PPP2R5C: variants seen among roughly 807,000 people sequenced by gnomAD.
PPP2R5C encodes the protein serine/threonine-protein phosphatase 2A 56 kDa regulatory subunit gamma isoform.
In PPP2R5C, 7 loss-of-function variants were observed where a neutral mutation model predicts 68.9. The observed-to-expected ratio is 0.10, with a 90% CI of 0.06 to 0.19. PPP2R5C has a LOEUF of 0.19. Ranked by LOEUF, PPP2R5C falls within the 10% of genes least tolerant of loss-of-function variation. The pLI, the probability that PPP2R5C is intolerant of heterozygous loss-of-function variation, is 1.00. For synonymous variants in PPP2R5C, 210 were observed against 222.2 expected (o/e 0.95, Z 0.49); for missense variants, 348 against 641.3 (o/e 0.54, Z 4.94).
intron 5 of PPP2R5C, among the ~76,000 whole-genome samples, chr14:101,886,693 T>C (rs2044543900): frequency 6.6e-6 from 1 of 152,176 alleles, no homozygotes; most frequent in African/African-American, 2.4e-5. Flanking sequence ...AGAGTTGCAT[T>C]CAGCTCATCT....
chr14:101,923,519 C>G (rs1300774090), intron 13 of PPP2R5C, among the ~76,000 whole-genome samples: 1 of 152,160 alleles, frequency 6.6e-6, no homozygotes, highest in African/African-American at 2.4e-5. Flanking sequence ...GCTTTACATC[C>G]TCACACGTTA....
At chr14:101,760,740 C>T, upstream of PPP2R5C, 2 of 433,392 alleles carry the variant, frequency 4.6e-6, no homozygotes, top group Non-Finnish European at 5.3e-6. Context: ...AGGGGAGGGG[C>T]TGGTCGAGGG....
chr14:101,824,485 G>T, intron 1 of PPP2R5C: 1 of 174,694 alleles, frequency 5.7e-6, no homozygotes. Flanking sequence ...CTCATTCTTT[G>T]CTTTTGATTC....
intron 1 of PPP2R5C, among the ~76,000 whole-genome samples, chr14:101,841,959 CT>C (rs1162338261): frequency 6.6e-6 from 1 of 152,144 alleles, no homozygotes; most frequent in Non-Finnish European, 1.5e-5. Context: ...CTAGTGCCAC[CT>C]TTTGCGGCTC....
chr14:101,874,061 G>A (rs551732265), intron 2 of PPP2R5C, among the ~76,000 whole-genome samples: 26 of 152,136 alleles, frequency 1.7e-4, no homozygotes, highest in Admixed American at 5.9e-4. Flanking sequence ...ACTTAACTCC[G>A]TCCACCCAGG....
At chr14:101,846,718 C>T (rs561650922) in intron 1 of PPP2R5C, among the ~76,000 whole-genome samples, 4 of 152,228 alleles carry the variant, frequency 2.6e-5, no homozygotes, top group South Asian at 2.1e-4. Flanking sequence ...GCTTGTGTGT[C>T]GGGTTTGCCT....
chr14:101,794,037 G>A (rs988375266), intron 3 of PPP2R5C, among the ~76,000 whole-genome samples: 57 of 152,148 alleles, frequency 3.7e-4, no homozygotes, highest in African/African-American at 1.4e-3. Flanking sequence ...GCACAGGATG[G>A]AGGCACGGGG....
At chr14:101,806,026 A>G (rs913802731), upstream of PPP2R5C, among the ~76,000 whole-genome samples, 1 of 152,234 alleles carries the variant, frequency 6.6e-6, no homozygotes. Flanking sequence ...ACAGAACTGT[A>G]TGCTGAAAAC....
exon 14 of PPP2R5C, chr14:101,927,152 T>C (rs2047317294): frequency 6.6e-6 from 1 of 152,182 alleles, no homozygotes; most frequent in African/African-American, 2.4e-5. Flanking sequence ...TTTTGGATGT[T>C]CAGTATGTTT....
chr14:101,865,937 T>A (rs1403865770), intron 2 of PPP2R5C, among the ~76,000 whole-genome samples: 1 of 152,230 alleles, frequency 6.6e-6, no homozygotes, highest in Non-Finnish European at 1.5e-5. Context: ...AGTCTTTCTC[T>A]GTCGCCAGGC....
At chr14:101,847,471 T>G (rs928943596) in intron 1 of PPP2R5C, among the ~76,000 whole-genome samples, 3 of 152,140 alleles carry the variant, frequency 2.0e-5, no homozygotes, top group Non-Finnish European at 4.4e-5. Context: ...CTGTTCTCCC[T>G]GAGCCTTCAT....
chr14:101,823,904 T>C (rs2040239052), intron 1 of PPP2R5C: 16 of 1,276,334 alleles, frequency 1.3e-5, no homozygotes, highest in Non-Finnish European at 1.3e-5. Context: ...TATGGTGTCA[T>C]CTAGAAAAAC....
At chr14:101,857,780 G>A (rs918322000) in intron 2 of PPP2R5C, among the ~76,000 whole-genome samples, 3 of 152,242 alleles carry the variant, frequency 2.0e-5, no homozygotes, top group Admixed American at 6.5e-5. Context: ...TTACTGGGGA[G>A]TCAGTGTGGC....
chr14:101,912,752 C>T, intron 12 of PPP2R5C: 1 of 354,738 alleles, frequency 2.8e-6, no homozygotes, highest in Non-Finnish European at 4.6e-6. Flanking sequence ...AACTTGAATA[C>T]AGCCTGAGAC....
At chr14:101,861,765 T>C (rs1455581656) in intron 2 of PPP2R5C, among the ~76,000 whole-genome samples, 1 of 152,180 alleles carries the variant, frequency 6.6e-6, no homozygotes, top group Non-Finnish European at 1.5e-5. Flanking sequence ...CATTTTTACC[T>C]GAAAACTGAC....
chr14:101,833,066 C>T (rs974754982), intron 1 of PPP2R5C, among the ~76,000 whole-genome samples: 5 of 152,260 alleles, frequency 3.3e-5, no homozygotes, highest in African/African-American at 1.2e-4. Context: ...GTGATTAGAT[C>T]TGCCTGATTC....
At chr14:101,859,925 T>G (rs2042655373) in intron 2 of PPP2R5C, among the ~76,000 whole-genome samples, 2 of 152,130 alleles carry the variant, frequency 1.3e-5, no homozygotes, top group Admixed American at 6.5e-5. Flanking sequence ...TTTTTTTTTT[T>G]TTGAAGAATC....
intron 3 of PPP2R5C, among the ~76,000 whole-genome samples, chr14:101,800,723 A>G (rs949642556): frequency 9.2e-5 from 14 of 151,972 alleles, no homozygotes; most frequent in African/African-American, 3.4e-4. Context: ...TGCTGGGTAT[A>G]TATCCAAAAG....
chr14:101,816,952 A>G (rs1328880700), intron 1 of PPP2R5C, among the ~76,000 whole-genome samples: 7 of 142,006 alleles, frequency 4.9e-5, no homozygotes, highest in Non-Finnish European at 9.0e-5. Flanking sequence ...AAAATATTAT[A>G]TATGTATATA....
Sources: gnomAD v4.1 joint callset for allele counts (sites outside exome capture counted in the v4.1 genomes callset) on GRCh38, gnomAD v4.1.1 for gene constraint, MANE v1.5 for transcripts, NCBI Gene and HGNC (gene_info 2026-07-23, HGNC 2026-07-21) for gene names.